Variants in OBI1 observed in about 807,000 individuals in gnomAD.
The protein encoded by OBI1 is ring finger protein 219.
OBI1 carries 59 observed loss-of-function variants against 62.4 expected under a neutral mutation model. The observed-to-expected ratio is 0.95, with a 90% CI of 0.77 to 1.17. The LOEUF (loss-of-function observed/expected upper bound fraction) is 1.17, where lower values mean the gene tolerates loss of function less well. Among genes scored for constraint, OBI1 ranks in the 50% most tolerant of loss-of-function variants. The pLI is 0.00. For missense variants in OBI1, 875 were observed against 830.9 expected (o/e 1.05, Z -0.65); for synonymous variants, 302 against 292.8 (o/e 1.03, Z -0.32).
At chr13:78,645,085 G>T in intron 1 of OBI1, 88 bp from the exon 2 acceptor site, 1 of 1,259,430 alleles carries the variant, frequency 7.9e-7, no homozygotes, top group South Asian at 1.4e-5. Context: ...TGCTTCTCTA[G>T]ATTATAGCAG....
rs756992040 is a variant in OBI1, at chr13:78,655,722, C to T, written c.72+3327G>A. Among the ~76,000 whole-genome samples the T allele has an allele frequency of 2.0e-5, 3 of 152,282 alleles. No homozygotes were observed. In the East Asian group the frequency reaches 5.8e-4, roughly 29 times the overall value. The stretch of plus-strand genomic sequence containing the variant: ...TGTTGAATAATCAAAAGAGAAGATG[C>T]TGACTGTGAGATCTGGGGACATATG... On this transcript the variant is annotated intron_variant, in intron 1 of 5. Transcript: ENST00000282003.
chr13:78,647,982 A>T (rs1307325355), intron 1 of OBI1, among the ~76,000 whole-genome samples: 1 of 81,198 alleles, frequency 1.2e-5, no homozygotes, highest in African/African-American at 4.4e-5. Flanking sequence ...CAGATTCATT[A>T]AAAAAAAAAA....
chr13:78,621,912 A>G (rs1050643765), intron 5 of OBI1, among the ~76,000 whole-genome samples: 10 of 152,238 alleles, frequency 6.6e-5, no homozygotes, highest in Admixed American at 2.0e-4. Context: ...TGCTAGCTTC[A>G]TATCATAAAT....
intron 4 of OBI1, among the ~76,000 whole-genome samples, chr13:78,636,605 C>A (rs916744413): frequency 1.3e-5 from 2 of 152,138 alleles, no homozygotes; most frequent in Admixed American, 6.5e-5. Context: ...CTGACTTAGA[C>A]CCATCCAGGT....
intron 2 of OBI1, among the ~76,000 whole-genome samples, chr13:78,643,389 C>A (rs1289492445): frequency 1.3e-5 from 2 of 152,196 alleles, no homozygotes; most frequent in Admixed American, 6.5e-5. Flanking sequence ...AGACTTCACC[C>A]AGGTACCAAG....
At position 78,616,104 on chromosome 13, in the gene OBI1, T is replaced by G; in HGVS notation, c.1657A>C (p.Ser553Arg). 1 of 1,614,146 alleles carries G rather than the reference T, an allele frequency of 6.2e-7. No homozygotes were observed. Among genetic ancestry groups the G allele is most frequent in the Non-Finnish European group, 8.5e-7 (1 of 1,180,022 alleles). The change falls in exon 6 of 6, where the codon AGC becomes CGC. Residue 553 changes from serine (S) to arginine (R), a missense_variant. Ser to Arg is a moderately radical substitution (Grantham distance 110). Coordinates refer to ENST00000282003, the MANE Select transcript of OBI1 (RefSeq NM_024546.4). The stretch of plus-strand genomic sequence containing the variant: ...GACTTAAAACCGTTATTACAAGGGC[T>G]CTTGCTGTTGTCTGACTCTGACATC... ...SMMSESDNSKSPCNNGFKSLD... is the reference protein window; with the variant it reads ...SMMSESDNSKRPCNNGFKSLD...
chr13:78,658,497 C>T (rs1187575255), intron 1 of OBI1, among the ~76,000 whole-genome samples: 1 of 152,148 alleles, frequency 6.6e-6, no homozygotes. Flanking sequence ...GGAGCACTTA[C>T]TATTTACTTT....
intron 3 of OBI1, among the ~76,000 whole-genome samples, chr13:78,640,805 A>T (rs1481831928): frequency 6.6e-6 from 1 of 152,210 alleles, no homozygotes; most frequent in Non-Finnish European, 1.5e-5. Flanking sequence ...TGTCTCAAAA[A>T]AGAAAAAGAG....
rs749428456 is a variant in OBI1 at position 78,616,744 on chromosome 13, A to G, written c.1017T>C (p.Ser339=). 5.0e-6 allele frequency: 8 copies of G among 1,614,210 alleles called. 1 individual carries two copies. In the South Asian group the frequency reaches 7.7e-5, roughly 16 times the overall value. The stretch of plus-strand genomic sequence containing the variant: ...GTTCTTGATATAGGTCTTTGTTCTT[A>G]GAACAGTTAAGGTCTGCTTTGCTGG... ...ESTSKADLNC[S]KNKDLYQEQV... Residue 339 remains serine (S), a synonymous_variant, in exon 6 of 6, where the codon TCT becomes TCC. Transcript: ENST00000282003.
At chr13:78,657,999 C>G (rs1451634594) in intron 1 of OBI1, among the ~76,000 whole-genome samples, 2 of 152,192 alleles carry the variant, frequency 1.3e-5, no homozygotes, top group East Asian at 3.8e-4. Flanking sequence ...TGACTGCTAT[C>G]CAGAATTATC....
rs183395642 is a variant in OBI1 at position 78,655,192 on chromosome 13, C to G, written c.72+3857G>C. 3.9e-4 allele frequency among the ~76,000 whole-genome samples: 59 copies of G among 152,192 alleles called. No individual in the cohort carries two copies. In the East Asian group the frequency reaches 0.01, roughly 26 times the overall value. On this transcript the variant is annotated intron_variant, in intron 1 of 5. Transcript: ENST00000282003. ...CATAATTTGGTTTCACAGCTTGAGT[C>G]CCAATTGAAAAGATAAACCCTGGAA...
intron 5 of OBI1, among the ~76,000 whole-genome samples, chr13:78,629,935 T>C (rs1200090609): frequency 6.6e-6 from 1 of 152,138 alleles, no homozygotes; most frequent in Non-Finnish European, 1.5e-5. Context: ...AAAGCTAGTG[T>C]GCTTACTGAG....
chr13:78,649,510 A>G (rs1311765299), intron 1 of OBI1, among the ~76,000 whole-genome samples: 1 of 152,218 alleles, frequency 6.6e-6, no homozygotes. Flanking sequence ...TTGGGGATGG[A>G]AACCTGACTG....
chr13:78,643,360 A>C (rs565769480), intron 2 of OBI1, among the ~76,000 whole-genome samples: 9 of 152,308 alleles, frequency 5.9e-5, no homozygotes, highest in Admixed American at 3.9e-4. Flanking sequence ...GCAACACAGC[A>C]GAGAACCAGT....
chr13:78,658,712 G>A (rs550909418), intron 1 of OBI1, among the ~76,000 whole-genome samples: 2 of 152,324 alleles, frequency 1.3e-5, no homozygotes, highest in Non-Finnish European at 2.9e-5. Flanking sequence ...GCAGAGGGAA[G>A]TTAAATATCC....
rs775842434 is a variant in OBI1, at chr13:78,616,728, A to G, written c.1033T>C (p.Tyr345His). 2.7e-5 allele frequency: 44 copies of G among 1,614,032 alleles called. No homozygotes were observed. Among genetic ancestry groups the G allele is most frequent in the Non-Finnish European group, 3.4e-5 (40 of 1,180,008 alleles). ...DLNCSKNKDL[Y>H]QEQVEVMLDV... The stretch of plus-strand genomic sequence containing the variant: ...AACATTACTTCTACCTGTTCTTGAT[A>G]TAGGTCTTTGTTCTTAGAACAGTTA... The change falls in exon 6 of 6, where the codon TAT (tyrosine) becomes CAT (histidine). Residue 345 changes from tyrosine to histidine, a missense_variant. Coordinates refer to ENST00000282003, the MANE Select transcript of OBI1 (RefSeq NM_024546.4).
rs1876337333 is a variant in OBI1, at chr13:78,644,940, A to G, written c.130T>C (p.Leu44=). ...CACTGGCTATTATTCTTCAACCACA[A>G]ATCAATACAAATCGAACAAAATACA... ...NHVFCSICID[L]WLKNNSQCPA... The change falls in exon 2 of 6, where the codon TTG becomes CTG. Residue 44 remains leucine, a synonymous_variant. Transcript: ENST00000282003. The G allele has an allele frequency of 6.2e-6, 10 of 1,613,680 alleles. No homozygotes were observed. Among genetic ancestry groups the G allele is most frequent in the Non-Finnish European group, 7.6e-6 (9 of 1,179,848 alleles).
At chr13:78,634,829 C>T (rs1462933460) in intron 5 of OBI1, among the ~76,000 whole-genome samples, 1 of 152,106 alleles carries the variant, frequency 6.6e-6, no homozygotes, top group East Asian at 1.9e-4. Flanking sequence ...TACTATTAAA[C>T]AGTTATATGT....
In OBI1 at chr13:78,630,003, C is replaced by T. The variant is rs117386108; in HGVS notation, c.638+5107G>A. Among the ~76,000 whole-genome samples the T allele has an allele frequency of 4.3e-4, 66 of 152,196 alleles. No homozygotes were observed. In the East Asian group the frequency reaches 0.01, roughly 24 times the overall value. ...GAAAAAGGACTGGGGCTGAAGGGAC[C>T]GCTTAGTACTCCTAACAGCACATGC... is the stretch of plus-strand genomic sequence containing the variant. On this transcript the variant is annotated intron_variant, in intron 5 of 5. Transcript: ENST00000282003.
Sources: gnomAD v4.1 joint callset for allele counts (sites outside exome capture counted in the v4.1 genomes callset) on GRCh38, gnomAD v4.1.1 for gene constraint, MANE v1.5 for transcripts, NCBI Gene and HGNC (gene_info 2026-07-23, HGNC 2026-07-21) for gene names.